Variants in KCNH1 observed in about 807,000 individuals in gnomAD.
The protein encoded by KCNH1 is potassium voltage-gated channel subfamily H member 1, also known as voltage-gated delayed rectifier potassium channel KCNH1.
KCNH1 carries 27 observed loss-of-function variants against 69.2 expected under a neutral mutation model. The observed-to-expected ratio is 0.39, with a 90% CI of 0.29 to 0.54. The LOEUF (loss-of-function observed/expected upper bound fraction) is 0.54. Ranked by LOEUF, KCNH1 falls within the 20% of genes least tolerant of loss-of-function variation. The probability of loss-of-function intolerance (pLI) is 0.68; values close to 1 mark genes in which losing one functional copy is unlikely to be tolerated. For missense variants in KCNH1, 798 were observed against 1,261.6 expected, an observed-to-expected ratio of 0.63 and a Z score of 5.57; for synonymous variants, 456 against 487.7, an observed-to-expected ratio of 0.93 and a Z score of 0.86.
At chr1:210,810,068 C>G (rs1684670261) in intron 7 of KCNH1, among the ~76,000 whole-genome samples, 1 of 152,114 alleles carries the variant, frequency 6.6e-6, no homozygotes, top group Non-Finnish European at 1.5e-5. Flanking sequence ...TTGGTTTACC[C>G]CTTTCTCTCT....
intron 6 of KCNH1, among the ~76,000 whole-genome samples, chr1:210,927,633 A>T (rs116663698): frequency 0.079 from 12,009 of 152,204 alleles, 676 homozygotes; most frequent in South Asian, 0.18. Context: ...CTCACAGGAC[A>T]TATATAACAG....
intron 6 of KCNH1, among the ~76,000 whole-genome samples, chr1:210,984,626 A>C (rs1463740119): frequency 6.6e-6 from 1 of 152,200 alleles, no homozygotes; most frequent in Non-Finnish European, 1.5e-5. Flanking sequence ...GATGAAGCCC[A>C]CTTGATCATG....
At chr1:211,020,439 T>C (rs1349184858) in intron 5 of KCNH1, among the ~76,000 whole-genome samples, 2 of 151,036 alleles carry the variant, frequency 1.3e-5, no homozygotes, top group Admixed American at 6.6e-5. Context: ...CAGGAAGAAA[T>C]AGAAAACTCT....
At chr1:210,873,272 G>A (rs1686290113) in intron 7 of KCNH1, among the ~76,000 whole-genome samples, 1 of 152,140 alleles carries the variant, frequency 6.6e-6, no homozygotes. Flanking sequence ...ATTGGAAGGT[G>A]TATCATGAAC....
chr1:211,078,430 A>T (rs1425461214), intron 5 of KCNH1, among the ~76,000 whole-genome samples: 2 of 152,244 alleles, frequency 1.3e-5, no homozygotes, highest in African/African-American at 4.8e-5. Context: ...CTTAGATCAC[A>T]GTGCAATCAA....
chr1:210,911,066 C>T (rs1687219015), intron 7 of KCNH1, among the ~76,000 whole-genome samples: 1 of 152,158 alleles, frequency 6.6e-6, no homozygotes, highest in African/African-American at 2.4e-5. Context: ...TCTCTTCCTC[C>T]ATTCATTCTA....
chr1:211,053,369 C>G (rs1690243117), intron 5 of KCNH1, among the ~76,000 whole-genome samples: 1 of 152,138 alleles, frequency 6.6e-6, no homozygotes, highest in Non-Finnish European at 1.5e-5. Flanking sequence ...CCAATGAGAG[C>G]TGAAACCAAA....
intron 3 of KCNH1, among the ~76,000 whole-genome samples, chr1:211,094,706 TA>T (rs1222446794): frequency 3.3e-5 from 5 of 152,118 alleles, no homozygotes; most frequent in African/African-American, 1.2e-4. Context: ...ATGCTAAATT[TA>T]AAAAAATAAA....
At chr1:210,940,661 G>A (rs143810089) in intron 6 of KCNH1, among the ~76,000 whole-genome samples, 17 of 152,324 alleles carry the variant, frequency 1.1e-4, no homozygotes, top group African/African-American at 3.8e-4. Context: ...GTATTCAGTT[G>A]TGATAATTTA....
chr1:210,842,592 C>T (rs1685433950), intron 7 of KCNH1, among the ~76,000 whole-genome samples: 1 of 152,086 alleles, frequency 6.6e-6, no homozygotes, highest in African/African-American at 2.4e-5. Context: ...ATTACTCATA[C>T]CCGTGTGTGG....
chr1:210,854,560 G>C (rs1452830394), intron 7 of KCNH1, among the ~76,000 whole-genome samples: 3 of 152,202 alleles, frequency 2.0e-5, no homozygotes, highest in Admixed American at 6.5e-5. Context: ...ATGTCTGAAA[G>C]GTCTGGAGAC....
At chr1:211,103,703 G>A in intron 2 of KCNH1, 101 bp from the exon 3 acceptor site, 1 of 701,136 alleles carries the variant, frequency 1.4e-6, no homozygotes, top group Non-Finnish European at 2.4e-6. Context: ...GCTATGTACT[G>A]TGGAACACAC....
At chr1:211,078,105 C>G (rs1481564264) in intron 5 of KCNH1, among the ~76,000 whole-genome samples, 1 of 152,044 alleles carries the variant, frequency 6.6e-6, no homozygotes, top group East Asian at 1.9e-4. Context: ...ACAGGAGCAC[C>G]CAGATTCATA....
At chr1:211,011,983 T>C (rs1689404002) in intron 6 of KCNH1, among the ~76,000 whole-genome samples, 1 of 152,186 alleles carries the variant, frequency 6.6e-6, no homozygotes, top group Non-Finnish European at 1.5e-5. Context: ...CCCTGGCCAC[T>C]ACTGGCAAGT....
intron 5 of KCNH1, among the ~76,000 whole-genome samples, chr1:211,022,903 G>A (rs560843598): frequency 6.6e-5 from 10 of 152,110 alleles, no homozygotes; most frequent in African/African-American, 2.4e-4. Context: ...CCTGAGGTCA[G>A]GAGTTTGAGA....
At chr1:210,788,458 A>G (rs1338993491) in intron 9 of KCNH1, among the ~76,000 whole-genome samples, 1 of 152,202 alleles carries the variant, frequency 6.6e-6, no homozygotes, top group African/African-American at 2.4e-5. Flanking sequence ...CTGTCTAGAC[A>G]CTATAAAGTT....
chr1:210,930,324 G>T (rs1027064730), intron 6 of KCNH1, among the ~76,000 whole-genome samples: 1 of 152,118 alleles, frequency 6.6e-6, no homozygotes, highest in Non-Finnish European at 1.5e-5. Context: ...CATAGTACTG[G>T]TATAAAAATA....
At chr1:211,060,141 CAATGAAGA>C (rs1374756137) in intron 5 of KCNH1, among the ~76,000 whole-genome samples, 1 of 151,506 alleles carries the variant, frequency 6.6e-6, no homozygotes, top group Non-Finnish European at 1.5e-5. Context: ...ATCAGCGGGT[CAATGAAGA>C]AATGAAGAAG....
chr1:211,075,533 G>C (rs1190361558), intron 5 of KCNH1, among the ~76,000 whole-genome samples: 1 of 152,224 alleles, frequency 6.6e-6, no homozygotes, highest in African/African-American at 2.4e-5. Flanking sequence ...GTAAGAAGGA[G>C]ATTTGGAGTC....
Sources: allele counts gnomAD v4.1 joint callset (sites outside exome capture counted in the v4.1 genomes callset), GRCh38; gene constraint gnomAD v4.1.1; transcripts MANE v1.5; gene names NCBI Gene and HGNC (gene_info 2026-07-23, HGNC 2026-07-21).